P2RY12: variants seen among roughly 807,000 people sequenced by gnomAD.
P2RY12 encodes P2Y purinoceptor 12.
In P2RY12, 3 loss-of-function variants were observed where a neutral mutation model predicts 4.5. The observed-to-expected ratio is 0.67, with a 90% confidence interval of 0.31 to 1.74. The LOEUF is 1.74. Ranked by LOEUF, P2RY12 falls within the 40% of genes most tolerant of loss-of-function variation. The pLI is 0.09. For missense variants in P2RY12, 356 were observed against 407.8 expected, an observed-to-expected ratio of 0.87 and a Z score of 1.09; for synonymous variants, 148 against 154.1, an observed-to-expected ratio of 0.96 and a Z score of 0.29.
chr3:151,374,830 C>T (rs1756631204), intron 1 of P2RY12, among the ~76,000 whole-genome samples: 1 of 152,172 alleles, frequency 6.6e-6, no homozygotes, highest in South Asian at 2.1e-4. Context: ...AAAAAGTATA[C>T]TCAGAGATGT....
chr3:151,344,045 A>G (rs776055413), intron 1 of P2RY12, among the ~76,000 whole-genome samples: 11 of 152,158 alleles, frequency 7.2e-5, no homozygotes, highest in Non-Finnish European at 1.2e-4. Context: ...TAGGTTAGAT[A>G]CCAACAGGTT....
At chr3:151,360,637 A>T in intron 1 of P2RY12, 1 of 1,592,268 alleles carries the variant, frequency 6.3e-7, no homozygotes, top group Non-Finnish European at 8.6e-7. Flanking sequence ...GGACAGAAAT[A>T]GGATCATGCC....
Position 151,338,410 on chromosome 3 carries a change from C to CAG in P2RY12, c.434_435dup (p.Val146LeufsTer16). 6.2e-7 allele frequency: 1 copy of CAG among 1,614,078 alleles called. No individual in the cohort carries two copies. The highest frequency in any genetic ancestry group is 8.5e-7 in the Non-Finnish European group (1 of 1,180,006). On this transcript the variant is annotated frameshift_variant, in exon 3 of 3. Coordinates refer to ENST00000302632, the MANE Select transcript of P2RY12 (RefSeq NM_022788.5). LOFTEE classifies it high-confidence loss of function. ...AAGAACATGAATGCCCAGATGACAA[C>CAG]AGAGAGAATCTTAGCCCCCAAGAGA...
intron 1 of P2RY12, among the ~76,000 whole-genome samples, chr3:151,359,172 A>G (rs1221976202): frequency 1.3e-5 from 2 of 152,070 alleles, no homozygotes; most frequent in Non-Finnish European, 2.9e-5. Context: ...TACAGTGAGA[A>G]TATGTGCTTG....
intron 1 of P2RY12, among the ~76,000 whole-genome samples, chr3:151,366,776 T>C (rs894660040): frequency 1.3e-5 from 2 of 152,218 alleles, no homozygotes; most frequent in Non-Finnish European, 2.9e-5. Flanking sequence ...TAAGAATTTA[T>C]GTATATAAAA....
intron 1 of P2RY12, chr3:151,384,181 A>G: frequency 6.2e-7 from 1 of 1,613,650 alleles, no homozygotes; most frequent in Non-Finnish European, 8.5e-7. Flanking sequence ...TCTGAAGAGA[A>G]CAAGCGTGCA....
At chr3:151,363,316 G>A (rs1754858472) in intron 1 of P2RY12, among the ~76,000 whole-genome samples, 1 of 152,144 alleles carries the variant, frequency 6.6e-6, no homozygotes, top group African/African-American at 2.4e-5. Flanking sequence ...GATACACAGA[G>A]AGATTTCTAT....
At chr3:151,377,137 T>C (rs1230150858) in intron 1 of P2RY12, 1 of 1,613,972 alleles carries the variant, frequency 6.2e-7, no homozygotes, top group Non-Finnish European at 8.5e-7. Flanking sequence ...GAAGTGCTGA[T>C]ACAAGTAGCA....
At chr3:151,383,689 A>T in intron 1 of P2RY12, 1 of 792,324 alleles carries the variant, frequency 1.3e-6, no homozygotes. Flanking sequence ...TTTTTTAAAT[A>T]AAAAACAATC....
chr3:151,366,123 C>A, intron 1 of P2RY12: 1 of 750,374 alleles, frequency 1.3e-6, no homozygotes, highest in Non-Finnish European at 1.9e-6. Context: ...TTTCTCTGTC[C>A]AAAAGCAGTA....
At position 151,365,141 on chromosome 3, in the gene P2RY12, C is replaced by T. The variant is rs764237155; in HGVS notation, c.-180+19551G>A. ...GCAAGATCCTCAGTGACAATGCGGCCAATCGCTACAGCTTTGTCTGCAATA... is the reference window on the plus strand; with the variant it reads ...GCAAGATCCTCAGTGACAATGCGGCTAATCGCTACAGCTTTGTCTGCAATA... On this transcript the variant is annotated intron_variant, in intron 1 of 2. Coordinates refer to ENST00000302632, the MANE Select transcript of P2RY12 (RefSeq NM_022788.5). The T allele has an allele frequency of 1.9e-5, 30 of 1,613,898 alleles. No individual in the cohort carries two copies. The African/African-American group carries it at 3.3e-4, about 18-fold the overall frequency.
chr3:151,373,434 A>G (rs1756424536), intron 1 of P2RY12, among the ~76,000 whole-genome samples: 1 of 152,078 alleles, frequency 6.6e-6, no homozygotes, highest in African/African-American at 2.4e-5. Flanking sequence ...GCAGTAAGCA[A>G]TCTTTGAGGA....
intron 1 of P2RY12, among the ~76,000 whole-genome samples, chr3:151,359,760 G>A (rs1452539972): frequency 6.6e-6 from 1 of 152,084 alleles, no homozygotes; most frequent in Non-Finnish European, 1.5e-5. Flanking sequence ...GCTGAGCCCT[G>A]TAACAAAATA....
intron 1 of P2RY12, among the ~76,000 whole-genome samples, chr3:151,375,202 T>C (rs1756680574): frequency 6.6e-6 from 1 of 152,220 alleles, no homozygotes; most frequent in African/African-American, 2.4e-5. Context: ...ATTAGTCTGA[T>C]GTGGGCCCTG....
chr3:151,380,609 A>C (rs1170251476), intron 1 of P2RY12, among the ~76,000 whole-genome samples: 2 of 152,086 alleles, frequency 1.3e-5, no homozygotes, highest in African/African-American at 2.4e-5. Context: ...AAAAAAAAAA[A>C]AAAAAACAAC....
chr3:151,373,061 T>C (rs1271097288), intron 1 of P2RY12, among the ~76,000 whole-genome samples: 1 of 152,218 alleles, frequency 6.6e-6, no homozygotes, highest in Non-Finnish European at 1.5e-5. Context: ...AGATTGTATA[T>C]TTTATTCTTT....
chr3:151,338,273 A>G lies in P2RY12; in HGVS notation c.573T>C (p.Asn191=), dbSNP rs1231546506. 1 of 1,614,078 alleles carries G rather than the reference A, an allele frequency of 6.2e-7. No homozygotes were observed. The highest frequency in any genetic ancestry group is 1.1e-5 in the South Asian group (1 of 91,078). Residue 191 remains asparagine (N), a synonymous_variant, in exon 3 of 3, where the codon AAT becomes AAC. Transcript: ENST00000302632. The part of the protein sequence containing the change: ...EFGLVWHEIV[N]YICQVIFWIN... ...TCCAGAAAATGACTTGACAGATGTA[A>G]TTTACTATTTCATGCCAGACTAGAC...
chr3:151,344,642 C>A (rs1752308264), intron 1 of P2RY12, among the ~76,000 whole-genome samples: 1 of 152,106 alleles, frequency 6.6e-6, no homozygotes, highest in Non-Finnish European at 1.5e-5. Context: ...GTAGAGCATG[C>A]AAAAATTAGG....
intron 1 of P2RY12, chr3:151,356,156 T>G: frequency 9.7e-7 from 1 of 1,032,740 alleles, no homozygotes; most frequent in Non-Finnish European, 1.4e-6. Flanking sequence ...TCCTGGCACT[T>G]TGGGAGGCCG....
Sources: allele counts gnomAD v4.1 joint callset (sites outside exome capture counted in the v4.1 genomes callset), GRCh38; gene constraint gnomAD v4.1.1; transcripts MANE v1.5; gene names NCBI Gene and HGNC (gene_info 2026-07-23, HGNC 2026-07-21).